Variants in ARMH3 observed in about 807,000 individuals in gnomAD.
ARMH3 encodes the protein armadillo-like helical domain-containing protein 3.
A neutral mutation model predicts 99.1 loss-of-function variants in ARMH3; 60 were observed. The ratio of observed to expected loss-of-function variants is 0.61; its 90% CI spans 0.49 to 0.75. ARMH3 has a LOEUF of 0.75. ARMH3 is among the 30% of genes least tolerant of loss of function. ARMH3 has a pLI of 0.00. For synonymous variants in ARMH3, 285 were observed against 292.8 expected (o/e 0.97, Z 0.27); for missense variants, 679 against 843.1 (o/e 0.81, Z 2.41).
intron 20 of ARMH3, among the ~76,000 whole-genome samples, chr10:101,971,346 A>G (rs1845765213): frequency 6.6e-6 from 1 of 152,066 alleles, no homozygotes; most frequent in African/African-American, 2.4e-5. Context: ...TGGGAGACAG[A>G]GGAGGGCAGA....
intron 8 of ARMH3, among the ~76,000 whole-genome samples, chr10:102,018,264 T>C (rs1227973067): frequency 6.6e-6 from 1 of 152,186 alleles, no homozygotes; most frequent in Non-Finnish European, 1.5e-5. Context: ...AACCCAAGTA[T>C]AAATCTCTGG....
At chr10:101,909,495 G>T in intron 23 of ARMH3, among the ~76,000 whole-genome samples, 1 of 125,540 alleles carries the variant, frequency 8.0e-6, no homozygotes, top group African/African-American at 3.1e-5. Context: ...TTTGAGACAG[G>T]GTCTCACTCT....
intron 23 of ARMH3, among the ~76,000 whole-genome samples, chr10:101,934,097 G>C (rs966243496): frequency 2.0e-5 from 3 of 152,170 alleles, no homozygotes; most frequent in African/African-American, 7.2e-5. Flanking sequence ...TATTTCCTGT[G>C]ACATTCAGAA....
intron 24 of ARMH3, among the ~76,000 whole-genome samples, chr10:101,888,624 C>G (rs1410409403): frequency 1.3e-5 from 2 of 152,046 alleles, no homozygotes; most frequent in Non-Finnish European, 2.9e-5. Flanking sequence ...AAAGGAAGAA[C>G]AGGGCACATA....
intron 23 of ARMH3, among the ~76,000 whole-genome samples, chr10:101,890,637 G>C (rs1463273311): frequency 2.6e-5 from 4 of 152,188 alleles, no homozygotes; most frequent in African/African-American, 9.6e-5. Context: ...GGGTGGGCTA[G>C]ATTTAGTGAT....
intron 24 of ARMH3, among the ~76,000 whole-genome samples, chr10:101,864,072 A>ACACACAC (rs1356328511): frequency 2.8e-4 from 38 of 134,626 alleles, no homozygotes; most frequent in Non-Finnish European, 5.7e-4. Context: ...AAAAAAAAAA[A>ACACACAC]AAAAAAACAC....
chr10:101,916,363 AC>A (rs2135575337), intron 23 of ARMH3, among the ~76,000 whole-genome samples: 1 of 151,572 alleles, frequency 6.6e-6, no homozygotes, highest in African/African-American at 2.4e-5. Context: ...CCTACCCCCC[AC>A]CCCCATCCCA....
In ARMH3 at chr10:101,935,703, T is replaced by C. The variant is rs1441293116; in HGVS notation, c.1781+4160A>G. Among the ~76,000 whole-genome samples the C allele has an allele frequency of 2.0e-5, 3 of 152,220 alleles. No homozygotes were observed. The South Asian group carries it at 6.2e-4, about 32-fold the overall frequency. On this transcript the variant is annotated intron_variant, in intron 23 of 25. Coordinates refer to ENST00000370033, the MANE Select transcript of ARMH3 (RefSeq NM_024541.3). ...ATGCAACCCAAGCCCTTCTCATGGT[T>C]ATTAAAGAACATACTACAGAAGAGG...
chr10:101,950,839 T>A (rs2135775638), intron 22 of ARMH3, among the ~76,000 whole-genome samples: 1 of 152,340 alleles, frequency 6.6e-6, no homozygotes, highest in South Asian at 2.1e-4. Flanking sequence ...GTAGGTTTCC[T>A]GTTGGGGTGA....
At chr10:102,041,554 T>C (rs1359573626) in intron 1 of ARMH3, among the ~76,000 whole-genome samples, 4 of 152,204 alleles carry the variant, frequency 2.6e-5, no homozygotes, top group Non-Finnish European at 4.4e-5. Context: ...TTAGACATTG[T>C]CCTTCTCTAA....
At chr10:101,910,262 A>C (rs1252107474) in intron 23 of ARMH3, among the ~76,000 whole-genome samples, 1 of 152,242 alleles carries the variant, frequency 6.6e-6, no homozygotes, top group Admixed American at 6.5e-5. Flanking sequence ...AAGGGGAACA[A>C]GCTTTTCCCT....
chr10:101,920,046 A>C (rs1191430680), intron 23 of ARMH3, among the ~76,000 whole-genome samples: 1 of 152,062 alleles, frequency 6.6e-6, no homozygotes, highest in Non-Finnish European at 1.5e-5. Flanking sequence ...CTAAATCCTC[A>C]CTTCTCTAAG....
intron 24 of ARMH3, among the ~76,000 whole-genome samples, chr10:101,860,024 T>C (rs1369216487): frequency 6.6e-6 from 1 of 152,086 alleles, no homozygotes; most frequent in Non-Finnish European, 1.5e-5. Flanking sequence ...TGAGCCTTTG[T>C]AAATGATCAA....
At chr10:102,048,131 C>T (rs1030913640) in intron 1 of ARMH3, among the ~76,000 whole-genome samples, 9 of 152,192 alleles carry the variant, frequency 5.9e-5, no homozygotes, top group Non-Finnish European at 1.0e-4. Flanking sequence ...ACAGATGATA[C>T]TGAGAGAATA....
intron 23 of ARMH3, among the ~76,000 whole-genome samples, chr10:101,895,337 T>C (rs1294302034): frequency 6.6e-6 from 1 of 151,090 alleles, no homozygotes; most frequent in Non-Finnish European, 1.5e-5. Flanking sequence ...TGCAGTGCAG[T>C]GGTGCAATCT....
At chr10:102,013,319 G>T (rs924697045) in intron 9 of ARMH3, among the ~76,000 whole-genome samples, 2 of 152,212 alleles carry the variant, frequency 1.3e-5, no homozygotes, top group African/African-American at 4.8e-5. Context: ...AAGGCAAGTA[G>T]CATTCAATAA....
chr10:101,926,892 G>A (rs1472421740), intron 23 of ARMH3, among the ~76,000 whole-genome samples: 1 of 152,166 alleles, frequency 6.6e-6, no homozygotes, highest in African/African-American at 2.4e-5. Context: ...AGAGCCAGAG[G>A]CTCGGGAGAG....
chr10:101,874,585 T>A (rs1010045099), intron 24 of ARMH3, among the ~76,000 whole-genome samples: 1 of 152,162 alleles, frequency 6.6e-6, no homozygotes, highest in South Asian at 2.1e-4. Flanking sequence ...GAAGGTTTTT[T>A]AGTGGGTGTA....
At chr10:101,995,129 C>T (rs1271647856) in intron 16 of ARMH3, among the ~76,000 whole-genome samples, 168 bp downstream of exon 16, 2 of 152,190 alleles carry the variant, frequency 1.3e-5, no homozygotes, top group Non-Finnish European at 1.5e-5. Flanking sequence ...ATGGCTTCAT[C>T]GAAGACTACA....
Sources: gnomAD v4.1 joint callset for allele counts (sites outside exome capture counted in the v4.1 genomes callset) on GRCh38, gnomAD v4.1.1 for gene constraint, MANE v1.5 for transcripts, NCBI Gene and HGNC (gene_info 2026-07-23, HGNC 2026-07-21) for gene names.